The following C2orf92 variants were observed in gnomAD, a reference collection of about 807,000 sequenced individuals.
C2orf92 encodes chromosome 2 open reading frame 92, also known as uncharacterized protein C2orf92.
intron 6 of C2orf92, among the ~76,000 whole-genome samples, chr2:97,700,846 C>T (rs1384906612): frequency 2.6e-5 from 4 of 152,148 alleles, no homozygotes; most frequent in Non-Finnish European, 5.9e-5. Flanking sequence ...TCTCCTGCCT[C>T]AGCCTCCCAA....
At chr2:97,679,338 CTG>C (rs141961143) in intron 3 of C2orf92, among the ~76,000 whole-genome samples, 6 of 152,206 alleles carry the variant, frequency 3.9e-5, no homozygotes, top group African/African-American at 1.2e-4. Context: ...AAGATAGACT[CTG>C]TAATAACAAC....
upstream of C2orf92, chr2:97,664,143 T>C (rs1403779024): frequency 1.7e-5 from 4 of 242,236 alleles, no homozygotes. Context: ...CTCCGGAGGC[T>C]GGCCAGCCAA....
chr2:97,693,495 A>G (rs920552933), intron 5 of C2orf92, among the ~76,000 whole-genome samples: 2 of 152,256 alleles, frequency 1.3e-5, no homozygotes, highest in Non-Finnish European at 2.9e-5. Context: ...TTGTTATTAC[A>G]TATTTAAAAA....
At chr2:97,678,717 C>T (rs1240150932) in intron 3 of C2orf92, among the ~76,000 whole-genome samples, 1 of 151,722 alleles carries the variant, frequency 6.6e-6, no homozygotes, top group Non-Finnish European at 1.5e-5. Context: ...TTCCTGTAAT[C>T]CCAGCACTTT....
At chr2:97,691,993 A>C (rs543489343) in intron 5 of C2orf92, among the ~76,000 whole-genome samples, 1 of 152,128 alleles carries the variant, frequency 6.6e-6, no homozygotes, top group South Asian at 2.1e-4. Flanking sequence ...TTTCCTGGCT[A>C]TTTTTGCATG....
intron 3 of C2orf92, chr2:97,677,354 C>A (rs1180225194): frequency 6.6e-6 from 1 of 152,192 alleles, no homozygotes; most frequent in Non-Finnish European, 1.5e-5. Context: ...GAAGAGGCTT[C>A]CAAGCAGCCC....
chr2:97,675,177 C>T (rs1675536302), intron 2 of C2orf92, among the ~76,000 whole-genome samples: 2 of 152,186 alleles, frequency 1.3e-5, no homozygotes, highest in African/African-American at 4.8e-5. Context: ...GTAAGGTGGA[C>T]ATCATGTGAA....
At chr2:97,688,788 T>G (rs1676042997) in intron 3 of C2orf92, 107 bp from the exon 4 acceptor site, 1 of 396,898 alleles carries the variant, frequency 2.5e-6, no homozygotes, top group Admixed American at 4.4e-5. Context: ...TCTGTGGCGT[T>G]TGCGTCATGT....
At chr2:97,686,711 C>T (rs564273986) in intron 3 of C2orf92, among the ~76,000 whole-genome samples, 1 of 152,176 alleles carries the variant, frequency 6.6e-6, no homozygotes, top group Admixed American at 6.5e-5. Context: ...AGCCACCGTG[C>T]CTGGCCCTGT....
At chr2:97,664,130 G>A, upstream of C2orf92, 1 of 255,548 alleles carries the variant, frequency 3.9e-6, no homozygotes, top group Non-Finnish European at 7.4e-6. Context: ...AAGGGGGCGG[G>A]GCCTCCGGAG....
chr2:97,686,321 A>C (rs1675959074), intron 3 of C2orf92, among the ~76,000 whole-genome samples: 1 of 152,236 alleles, frequency 6.6e-6, no homozygotes, highest in South Asian at 2.1e-4. Flanking sequence ...CCTACCTCCT[A>C]ACATGACGAC....
At chr2:97,697,157 ATAGT>A (rs1676334071) in intron 5 of C2orf92, 1 of 152,240 alleles carries the variant, frequency 6.6e-6, no homozygotes, top group Non-Finnish European at 1.5e-5. Context: ...TGCTCCTGTC[ATAGT>A]TAGTAGTTCT....
chr2:97,686,503 C>T (rs1303726211), intron 3 of C2orf92, among the ~76,000 whole-genome samples: 3 of 152,002 alleles, frequency 2.0e-5, no homozygotes, highest in African/African-American at 4.8e-5. Context: ...CACTGCAACC[C>T]CTGCCTCCCC....
intron 3 of C2orf92, among the ~76,000 whole-genome samples, chr2:97,679,423 T>C (rs1675687525): frequency 6.6e-6 from 1 of 152,224 alleles, no homozygotes; most frequent in South Asian, 2.1e-4. Context: ...GTTGATACTA[T>C]TCAAGCTAAG....
chr2:97,680,698 G>C (rs1412441847), intron 3 of C2orf92, among the ~76,000 whole-genome samples: 2 of 152,036 alleles, frequency 1.3e-5, no homozygotes, highest in African/African-American at 2.4e-5. Flanking sequence ...AGGCCGAGGC[G>C]GGCGGATCAT....
chr2:97,700,956 C>A (rs1005577666), intron 6 of C2orf92, among the ~76,000 whole-genome samples, 198 bp from the exon 7 acceptor site: 1 of 152,132 alleles, frequency 6.6e-6, no homozygotes, highest in African/African-American at 2.4e-5. Context: ...TGGTCTCGAT[C>A]TCCTGACCTC....
At chr2:97,699,888 C>T (rs1327099392) in intron 6 of C2orf92, among the ~76,000 whole-genome samples, 1 of 152,248 alleles carries the variant, frequency 6.6e-6, no homozygotes. Context: ...GCTGGATACG[C>T]TGCCTCTTGG....
chr2:97,674,399 T>G (rs1410808725), intron 1 of C2orf92, 57 bp from the exon 2 acceptor site: 2 of 398,242 alleles, frequency 5.0e-6, no homozygotes, highest in African/African-American at 4.1e-5. Flanking sequence ...ATAGTCTGCT[T>G]TAGGTACTTA....
upstream of C2orf92, chr2:97,667,972 T>G (rs1675292108): frequency 6.6e-6 from 1 of 152,146 alleles, no homozygotes; most frequent in Non-Finnish European, 1.5e-5. Flanking sequence ...AGGTTACGCT[T>G]TCAGCATTTG....
Sources: gnomAD v4.1 joint callset for allele counts (sites outside exome capture counted in the v4.1 genomes callset) on GRCh38, gnomAD v4.1.1 for gene constraint, MANE v1.5 for transcripts, NCBI Gene and HGNC (gene_info 2026-07-23, HGNC 2026-07-21) for gene names.